Variants in TC2N observed in about 807,000 individuals in gnomAD.
TC2N encodes tandem C2 domains nuclear protein.
Under a neutral mutation model 61.9 loss-of-function variants are expected in TC2N, and 51 were observed. The observed-to-expected ratio is 0.82, with a 90% CI of 0.66 to 1.04. TC2N has a LOEUF of 1.04. Ranked by LOEUF, TC2N falls within the 50% of genes least tolerant of loss-of-function variation. The pLI is 0.00. For missense variants in TC2N, 556 were observed against 566.7 expected (o/e 0.98, Z 0.19); for synonymous variants, 204 against 192.6 (o/e 1.06, Z -0.49).
intron 2 of TC2N, among the ~76,000 whole-genome samples, 182 bp from the exon 3 acceptor site, chr14:91,812,727 C>G (rs1886838888): frequency 6.6e-6 from 1 of 151,862 alleles, no homozygotes; most frequent in Non-Finnish European, 1.5e-5. Flanking sequence ...GATATTTGAG[C>G]AATTAATACA....
chr14:91,862,136 G>A (rs1360995238), intron 1 of TC2N, among the ~76,000 whole-genome samples: 3 of 151,682 alleles, frequency 2.0e-5, no homozygotes, highest in African/African-American at 7.3e-5. Context: ...TCAGGAGATT[G>A]AGACCGGCCT....
intron 1 of TC2N, among the ~76,000 whole-genome samples, chr14:91,816,852 T>C (rs1887026633): frequency 6.6e-6 from 1 of 151,912 alleles, no homozygotes; most frequent in Non-Finnish European, 1.5e-5. Context: ...TATTGTGTAT[T>C]TTCTATTCTC....
chr14:91,812,868 T>C (rs1429875116), intron 2 of TC2N, among the ~76,000 whole-genome samples: 1 of 151,882 alleles, frequency 6.6e-6, no homozygotes, highest in Non-Finnish European at 1.5e-5. Context: ...AGTAAAAATC[T>C]AGTCATTTAA....
At chr14:91,823,104 T>C (rs1430256283) in intron 1 of TC2N, among the ~76,000 whole-genome samples, 5 of 152,226 alleles carry the variant, frequency 3.3e-5, no homozygotes, top group Admixed American at 3.3e-4. Context: ...TTCAAGTATA[T>C]GTAACTTACT....
chr14:91,812,892 A>G (rs1886845540), intron 2 of TC2N, among the ~76,000 whole-genome samples: 1 of 151,870 alleles, frequency 6.6e-6, no homozygotes, highest in Non-Finnish European at 1.5e-5. Flanking sequence ...TACTGTCAAC[A>G]AAAGCAATTC....
At chr14:91,815,338 A>G (rs989739447) in intron 1 of TC2N, among the ~76,000 whole-genome samples, 12 of 150,994 alleles carry the variant, frequency 7.9e-5, no homozygotes, top group Admixed American at 7.9e-4. Context: ...ATAAACAAAT[A>G]AACTGCATAC....
chr14:91,856,643 A>G (rs1888489764), intron 1 of TC2N, among the ~76,000 whole-genome samples: 1 of 152,148 alleles, frequency 6.6e-6, no homozygotes. Context: ...ACCCTAATTA[A>G]TGTCAAAGCC....
intron 1 of TC2N, among the ~76,000 whole-genome samples, chr14:91,829,604 T>C (rs1887657000): frequency 6.6e-6 from 1 of 152,154 alleles, no homozygotes; most frequent in Non-Finnish European, 1.5e-5. Flanking sequence ...ATCTGTCTTT[T>C]ATTTACTTAA....
At chr14:91,807,345 T>C (rs1886558391) in intron 3 of TC2N, among the ~76,000 whole-genome samples, 2 of 152,126 alleles carry the variant, frequency 1.3e-5, no homozygotes, top group East Asian at 1.9e-4. Context: ...ACAGTTTGCA[T>C]TGTGCACCTG....
chr14:91,848,130 C>A (rs1888304295), intron 1 of TC2N, among the ~76,000 whole-genome samples: 1 of 152,176 alleles, frequency 6.6e-6, no homozygotes, highest in Non-Finnish European at 1.5e-5. Flanking sequence ...CCAATACTGG[C>A]AAAGAGGATA....
chr14:91,790,186 G>T (rs1885577447), intron 9 of TC2N, among the ~76,000 whole-genome samples: 1 of 152,166 alleles, frequency 6.6e-6, no homozygotes, highest in Non-Finnish European at 1.5e-5. Context: ...ATTTCTTCAG[G>T]AAAACGTATT....
At chr14:91,800,409 A>G in intron 4 of TC2N, 37 bp from the exon 5 acceptor site, 1 of 1,177,910 alleles carries the variant, frequency 8.5e-7, no homozygotes, top group Non-Finnish European at 1.2e-6. Flanking sequence ...TATTTTTAAG[A>G]AACACTGGAA....
chr14:91,785,585 T>C (rs1817198706), intron 10 of TC2N, among the ~76,000 whole-genome samples: 1 of 152,278 alleles, frequency 6.6e-6, no homozygotes, highest in African/African-American at 2.4e-5. Flanking sequence ...ATGAACTTAA[T>C]CTTTCTGTGG....
intron 5 of TC2N, 94 bp downstream of exon 5, chr14:91,800,187 T>C: frequency 3.2e-6 from 2 of 625,516 alleles, no homozygotes; most frequent in Non-Finnish European, 5.3e-6. Context: ...CTACAAAAAA[T>C]ATACAGCATA....
At chr14:91,785,496 T>C (rs1885322152) in intron 10 of TC2N, 135 bp from the exon 11 acceptor site, 1 of 639,018 alleles carries the variant, frequency 1.6e-6, no homozygotes, top group East Asian at 2.8e-5. Context: ...TTTTAAATGT[T>C]TGATGAGCTA....
chr14:91,844,995 G>A (rs1888241836), intron 1 of TC2N, among the ~76,000 whole-genome samples: 1 of 152,018 alleles, frequency 6.6e-6, no homozygotes. Flanking sequence ...AGCACTTTGG[G>A]AGGCTGAGAA....
intron 1 of TC2N, among the ~76,000 whole-genome samples, chr14:91,864,289 A>G (rs997454077): frequency 6.6e-6 from 1 of 152,206 alleles, no homozygotes; most frequent in Non-Finnish European, 1.5e-5. Flanking sequence ...TTTCCCTTGC[A>G]GGAACTCAAG....
Position 91,853,649 on chromosome 14 carries a change from TACACACACAC to T in TC2N, c.-57+13603_-57+13612del, listed in dbSNP as rs71123304. On this transcript the variant is annotated intron_variant, in intron 1 of 11. Coordinates refer to ENST00000435962, the MANE Select transcript of TC2N (RefSeq NM_001128596.3). ...CTTGGATTTTTTTTTTTTTTTAAAG[TACACACACAC>T]ACACACACACACACACACACACACA... Among the ~76,000 whole-genome samples, 205 of 103,052 alleles carry T rather than the reference TACACACACAC, an allele frequency of 2.0e-3. 2 individuals are homozygous for T. The highest frequency in any genetic ancestry group is 7.2e-3 in the South Asian group (22 of 3,056). The allele number at this position is 103,052 out of a possible 152,430, so 67.6% of individuals were successfully genotyped here. A position where few individuals can be genotyped will look rare whatever the true frequency, so the allele number is the denominator to read the frequency against.
At chr14:91,854,726 G>A (rs1357469952) in intron 1 of TC2N, among the ~76,000 whole-genome samples, 1 of 152,134 alleles carries the variant, frequency 6.6e-6, no homozygotes, top group Admixed American at 6.5e-5. Flanking sequence ...AGTCTTATCA[G>A]TCTAGACTAA....
Sources: gnomAD v4.1 joint callset for allele counts (sites outside exome capture counted in the v4.1 genomes callset) on GRCh38, gnomAD v4.1.1 for gene constraint, MANE v1.5 for transcripts, NCBI Gene and HGNC (gene_info 2026-07-23, HGNC 2026-07-21) for gene names.